XIRP2: variants seen among roughly 807,000 people sequenced by gnomAD.
XIRP2 encodes the protein xin actin binding repeat containing 2, also known as xin actin-binding repeat-containing protein 2.
In XIRP2, 236 loss-of-function variants were observed where a neutral mutation model predicts 277.0. The observed-to-expected ratio is 0.85, with a 90% CI of 0.77 to 0.95. The LOEUF is 0.95. Ranked by LOEUF, XIRP2 falls within the 40% of genes least tolerant of loss-of-function variation. The pLI, the probability that XIRP2 is intolerant of heterozygous loss-of-function variation, is 0.00. For synonymous variants in XIRP2, 1,490 were observed against 1,416.5 expected, an observed-to-expected ratio of 1.05 and a Z score of -1.17; for missense variants, 4,640 against 4,157.5, an observed-to-expected ratio of 1.12 and a Z score of -3.19.
chr2:167,247,370 G>C lies in XIRP2; in HGVS notation c.5978G>C (p.Gly1993Ala), dbSNP rs371858271. The C allele has an allele frequency of 9.9e-6, 16 of 1,613,656 alleles. No individual in the cohort carries two copies. Among genetic ancestry groups the C allele is most frequent in the Non-Finnish European group, 1.4e-5 (16 of 1,179,810 alleles). ...GAGCCAGCGGCCAAGTGGCAAGGGG[G>C]AGCAGATACTCTCAGTCAAACTATG... ...PFEPAAKWQG[G>A]ADTLSQTMGK... Residue 1993 changes from glycine to alanine, a missense_variant, in exon 9 of 11, where the codon GGA (glycine) becomes GCA (alanine). Coordinates refer to ENST00000409195, the MANE Select transcript of XIRP2 (RefSeq NM_152381.6).
At chr2:167,210,941 C>G in intron 4 of XIRP2, 46 bp downstream of exon 4, 1 of 1,604,762 alleles carries the variant, frequency 6.2e-7, no homozygotes, top group Non-Finnish European at 8.5e-7. Flanking sequence ...TGCTTACTGT[C>G]TGTCCCAATT....
intron 2 of XIRP2, among the ~76,000 whole-genome samples, chr2:167,062,759 T>C (rs1238384087): frequency 6.6e-6 from 1 of 152,076 alleles, no homozygotes; most frequent in Non-Finnish European, 1.5e-5. Context: ...ACATTACATC[T>C]AACTTGAATT....
intron 2 of XIRP2, among the ~76,000 whole-genome samples, chr2:167,107,670 ATT>A (rs970052057): frequency 1.3e-5 from 2 of 151,120 alleles, no homozygotes; most frequent in Admixed American, 1.3e-4. Context: ...TTTGGATTTT[ATT>A]TTGTTTTGTT....
intron 2 of XIRP2, among the ~76,000 whole-genome samples, chr2:166,937,885 A>T (rs1186240448): frequency 1.3e-5 from 2 of 152,066 alleles, no homozygotes; most frequent in African/African-American, 4.8e-5. Context: ...ATTTGTATAG[A>T]GGTGTTTATA....
At chr2:167,089,439 C>T (rs1015585872) in intron 2 of XIRP2, among the ~76,000 whole-genome samples, 5 of 152,140 alleles carry the variant, frequency 3.3e-5, no homozygotes, top group Non-Finnish European at 7.3e-5. Flanking sequence ...TCAAGACAGT[C>T]ATCACACTTC....
chr2:167,030,718 T>C, intron 2 of XIRP2, among the ~76,000 whole-genome samples: 1 of 152,172 alleles, frequency 6.6e-6, no homozygotes, highest in East Asian at 1.9e-4. Flanking sequence ...TGCAGATGTC[T>C]ATTGGGTCCG....
intron 2 of XIRP2, among the ~76,000 whole-genome samples, chr2:166,955,500 A>G (rs1686138486): frequency 6.6e-6 from 1 of 151,814 alleles, no homozygotes; most frequent in African/African-American, 2.4e-5. Context: ...CCAAATGGCA[A>G]TGATTGTACA....
rs748366248 is a variant in XIRP2, at chr2:167,250,600, A to G, written c.9208A>G (p.Lys3070Glu). 1.2e-6 allele frequency: 2 copies of G among 1,613,408 alleles called. No homozygotes were observed. Among genetic ancestry groups the G allele is most frequent in the Non-Finnish European group, 8.5e-7 (1 of 1,179,654 alleles). ...HVSNNKNSEQ[K>E]ENKIAKEKTV... ...CAGCAATAATAAAAATAGTGAACAG[A>G]AAGAAAATAAAATTGCCAAAGAGAA... The change falls in exon 9 of 11, where the codon AAA (lysine) becomes GAA (glutamate). Residue 3070 changes from lysine (K) to glutamate (E), a missense_variant. Coordinates refer to ENST00000409195, the MANE Select transcript of XIRP2 (RefSeq NM_152381.6).
intron 2 of XIRP2, among the ~76,000 whole-genome samples, chr2:167,066,990 C>A (rs758524041): frequency 1.3e-5 from 2 of 151,946 alleles, no homozygotes; most frequent in Non-Finnish European, 2.9e-5. Context: ...GGTCTTCAAC[C>A]ATTTGATTAA....
At chr2:167,193,008 CACTG>C (rs1693392404) in intron 3 of XIRP2, among the ~76,000 whole-genome samples, 1 of 152,152 alleles carries the variant, frequency 6.6e-6, no homozygotes, top group African/African-American at 2.4e-5. Flanking sequence ...CGCTTTCAGT[CACTG>C]ACTGATTCTG....
intron 1 of XIRP2, among the ~76,000 whole-genome samples, chr2:166,898,143 G>T (rs970562658): frequency 2.6e-5 from 4 of 152,064 alleles, no homozygotes; most frequent in African/African-American, 9.7e-5. Flanking sequence ...CTGATACCCA[G>T]CCCAGGTAGG....
intron 2 of XIRP2, among the ~76,000 whole-genome samples, chr2:166,952,562 T>A (rs1183131534): frequency 1.3e-5 from 2 of 152,010 alleles, no homozygotes; most frequent in Non-Finnish European, 2.9e-5. Context: ...TTTATCACCA[T>A]GAATTCTAAT....
intron 2 of XIRP2, among the ~76,000 whole-genome samples, chr2:166,998,561 C>A (rs1687285592): frequency 6.6e-6 from 1 of 152,094 alleles, no homozygotes; most frequent in Non-Finnish European, 1.5e-5. Flanking sequence ...GGCGTGAACC[C>A]AGGGGACGGA....
chr2:167,169,303 A>G (rs1269228659), intron 3 of XIRP2, among the ~76,000 whole-genome samples: 1 of 152,168 alleles, frequency 6.6e-6, no homozygotes, highest in East Asian at 1.9e-4. Context: ...AGTGCTCCTG[A>G]AGGCAAAACT....
intron 3 of XIRP2, among the ~76,000 whole-genome samples, chr2:167,154,018 C>T (rs1692106511): frequency 1.3e-5 from 2 of 149,780 alleles, no homozygotes; most frequent in Admixed American, 6.6e-5. Flanking sequence ...AGTTTACAGT[C>T]CCACCAACAG....
intron 2 of XIRP2, among the ~76,000 whole-genome samples, chr2:167,082,452 T>C (rs1425438119): frequency 2.0e-5 from 3 of 151,952 alleles, no homozygotes; most frequent in African/African-American, 4.8e-5. Flanking sequence ...GTTCTTTGGG[T>C]ATATACCCAG....
intron 3 of XIRP2, among the ~76,000 whole-genome samples, chr2:167,192,007 A>G (rs1693354502): frequency 6.6e-6 from 1 of 152,206 alleles, no homozygotes; most frequent in Non-Finnish European, 1.5e-5. Context: ...TAAATGAGTT[A>G]ATTTGATAGT....
chr2:166,918,557 T>C (rs2105355084), intron 2 of XIRP2, among the ~76,000 whole-genome samples: 1 of 152,184 alleles, frequency 6.6e-6, no homozygotes, highest in East Asian at 2.0e-4. Context: ...AACATATTTA[T>C]CTTATTTATC....
chr2:167,200,863 C>A (rs922569199), intron 3 of XIRP2, among the ~76,000 whole-genome samples: 1 of 151,664 alleles, frequency 6.6e-6, no homozygotes, highest in African/African-American at 2.4e-5. Flanking sequence ...TGGTGGCTCA[C>A]GCCTGCAACC....
Sources: gnomAD v4.1 joint callset for allele counts (sites outside exome capture counted in the v4.1 genomes callset) on GRCh38, gnomAD v4.1.1 for gene constraint, MANE v1.5 for transcripts, NCBI Gene and HGNC (gene_info 2026-07-23, HGNC 2026-07-21) for gene names.